The following ERC2 variants were observed in gnomAD, a reference collection of about 807,000 sequenced individuals.
ERC2 encodes the protein ERC protein 2.
Under a neutral mutation model 114.8 loss-of-function variants are expected in ERC2, and 42 were observed. The observed-to-expected ratio is 0.37, with a 90% CI of 0.29 to 0.47. ERC2 has a LOEUF of 0.47. Among genes scored for constraint, ERC2 ranks in the 20% least tolerant of loss-of-function variants. ERC2 has a pLI of 0.99. For missense variants in ERC2, 939 were observed against 1,150.7 expected (o/e 0.82, Z 2.66); for synonymous variants, 454 against 425.5 (o/e 1.07, Z -0.82).
chr3:55,528,450 G>A (rs188987194), intron 17 of ERC2, among the ~76,000 whole-genome samples: 8 of 152,148 alleles, frequency 5.3e-5, no homozygotes, highest in South Asian at 2.1e-4. Flanking sequence ...AAATGTTATC[G>A]GCATCATCAT....
chr3:55,742,284 A>G (rs1263998814), intron 14 of ERC2, among the ~76,000 whole-genome samples: 2 of 152,120 alleles, frequency 1.3e-5, no homozygotes, highest in Non-Finnish European at 2.9e-5. Flanking sequence ...AGCTTTGTAA[A>G]CATTTCTACT....
intron 17 of ERC2, among the ~76,000 whole-genome samples, chr3:55,597,847 A>G (rs2058221267): frequency 6.6e-6 from 1 of 152,218 alleles, no homozygotes; most frequent in African/African-American, 2.4e-5. Flanking sequence ...ATCACATTAC[A>G]TCAGGATTAC....
rs572113482 is a variant in ERC2, at chr3:55,509,104, T to A, written c.*2212A>T. On this transcript the variant is annotated 3_prime_UTR_variant, in exon 18 of 18. Coordinates refer to ENST00000288221, the MANE Select transcript of ERC2 (RefSeq NM_015576.3). ...GAATTTAATTTTTAAGGGACTAAAT[T>A]ATACGACCTCATAAAGGTAAGATCA... The A allele has an allele frequency of 2.0e-5, 3 of 152,754 alleles. No homozygotes were observed. Among genetic ancestry groups the A allele is most frequent in the Admixed American group, 6.5e-5 (1 of 15,304 alleles). The allele number at this position is 152,754 out of a possible 1,614,324, so 9.5% of individuals were successfully genotyped here.
Position 56,010,486 on chromosome 3 carries a change from TTC to T in ERC2, c.1881_1882del (p.Lys628GlyfsTer7). 3 of 1,613,654 alleles carry T rather than the reference TTC, an allele frequency of 1.9e-6. No individual in the cohort carries two copies. The highest frequency in any genetic ancestry group is 2.5e-6 in the Non-Finnish European group (3 of 1,179,696). ...CAGTTCAGCCTGTAAAGCATTGACC[TTC>T]TCTTTCAGGTCTTTGTTCTCTTTTC... On this transcript the variant is annotated frameshift_variant, in exon 9 of 18. Transcript: ENST00000288221. LOFTEE classifies it high-confidence loss of function.
chr3:56,091,324 C>G (rs2077776705), intron 6 of ERC2, among the ~76,000 whole-genome samples: 1 of 152,036 alleles, frequency 6.6e-6, no homozygotes, highest in South Asian at 2.1e-4. Flanking sequence ...TCAAAGAAGA[C>G]TCCTGGGTTG....
intron 6 of ERC2, among the ~76,000 whole-genome samples, chr3:56,120,612 G>A (rs1402117188): frequency 6.6e-6 from 1 of 152,150 alleles, no homozygotes; most frequent in Non-Finnish European, 1.5e-5. Context: ...ACTCTATAAA[G>A]CAGCTCCTGA....
intron 7 of ERC2, among the ~76,000 whole-genome samples, chr3:56,039,579 T>C (rs373998661): frequency 2.0e-5 from 3 of 152,278 alleles, no homozygotes; most frequent in African/African-American, 7.2e-5. Flanking sequence ...ACCCAAAGCA[T>C]TCTACAGATG....
At chr3:55,882,144 T>G (rs1212831364) in intron 14 of ERC2, among the ~76,000 whole-genome samples, 1 of 152,162 alleles carries the variant, frequency 6.6e-6, no homozygotes, top group Non-Finnish European at 1.5e-5. Flanking sequence ...TGGGGGTGAG[T>G]GAGTTCTCAC....
chr3:56,035,782 T>G (rs1036157262), intron 7 of ERC2, among the ~76,000 whole-genome samples: 6 of 152,206 alleles, frequency 3.9e-5, no homozygotes, highest in Admixed American at 3.9e-4. Context: ...AAATTTCTGT[T>G]CTTTACAAAC....
chr3:55,683,872 C>G lies in ERC2; in HGVS notation c.2848-13G>C. Reference sequence around the variant, plus strand: ...CCTCCTCGTCATCCTGCGGCCGGCCCGAGGTGGGGAGGTGCACAGAGAGGA... The same window carrying G: ...CCTCCTCGTCATCCTGCGGCCGGCCGGAGGTGGGGAGGTGCACAGAGAGGA... On this transcript the variant is annotated splice_polypyrimidine_tract_variant and intron_variant, in intron 16 of 17. Transcript: ENST00000288221. 6.2e-7 allele frequency: 1 copy of G among 1,610,944 alleles called. No individual in the cohort carries two copies. Among genetic ancestry groups the G allele is most frequent in the South Asian group, 1.1e-5 (1 of 90,638 alleles).
At chr3:55,958,302 A>G (rs1460804699) in intron 12 of ERC2, among the ~76,000 whole-genome samples, 3 of 152,188 alleles carry the variant, frequency 2.0e-5, no homozygotes, top group African/African-American at 7.2e-5. Context: ...GGTAGTCCCA[A>G]CATCTGTGTG....
At chr3:56,266,256 G>A (rs66697960) in intron 3 of ERC2, among the ~76,000 whole-genome samples, 66,907 of 148,070 alleles carry the variant, frequency 0.45, 15,305 homozygotes, top group Middle Eastern at 0.5. Flanking sequence ...TCAGCCTACC[G>A]AGTAGCTGGG....
At chr3:55,597,951 A>G (rs1310318114) in intron 17 of ERC2, among the ~76,000 whole-genome samples, 2 of 152,178 alleles carry the variant, frequency 1.3e-5, no homozygotes, top group Non-Finnish European at 2.9e-5. Context: ...GTCCTTCCCC[A>G]TGCACCAAAA....
chr3:55,553,604 C>G (rs1480506884), intron 17 of ERC2, among the ~76,000 whole-genome samples: 1 of 151,940 alleles, frequency 6.6e-6, no homozygotes, highest in African/African-American at 2.4e-5. Flanking sequence ...CATGGTGAAA[C>G]CCTGTCTCTA....
chr3:55,866,471 A>G (rs1400429088), intron 14 of ERC2, among the ~76,000 whole-genome samples: 2 of 152,156 alleles, frequency 1.3e-5, no homozygotes, highest in Non-Finnish European at 2.9e-5. Context: ...AATTTTGATG[A>G]AGTCCAATTT....
intron 3 of ERC2, among the ~76,000 whole-genome samples, chr3:56,227,550 C>T (rs1168839925): frequency 6.6e-6 from 1 of 152,066 alleles, no homozygotes; most frequent in Non-Finnish European, 1.5e-5. Flanking sequence ...CAGAAGCCCC[C>T]CTGACTCCGC....
chr3:56,136,409 T>C (rs893809062), intron 6 of ERC2, among the ~76,000 whole-genome samples: 2 of 152,032 alleles, frequency 1.3e-5, no homozygotes, highest in Admixed American at 1.3e-4. Context: ...CCTTTGAGGA[T>C]GAGCACCATA....
chr3:56,180,615 G>A lies in ERC2; in HGVS notation c.1075-7095C>T, dbSNP rs574533514. Among the ~76,000 whole-genome samples the A allele has an allele frequency of 5.9e-5, 9 of 152,214 alleles. No homozygotes were observed. The East Asian group carries it at 1.2e-3, about 20-fold the overall frequency. ...GGTATCTAGAGTAGACAAACTTATC[G>A]AAATAGAAAGTGAAATGGTGCTTGC... is the stretch of plus-strand genomic sequence containing the variant. On this transcript the variant is annotated intron_variant, in intron 3 of 17. Transcript: ENST00000288221.
At chr3:56,405,862 G>A (rs1239181623) in intron 2 of ERC2, among the ~76,000 whole-genome samples, 10 of 151,104 alleles carry the variant, frequency 6.6e-5, no homozygotes, top group Non-Finnish European at 1.3e-4. Flanking sequence ...AGAGGAACTG[G>A]GTCAAAGGAT....
Sources: allele counts gnomAD v4.1 joint callset (sites outside exome capture counted in the v4.1 genomes callset), GRCh38; gene constraint gnomAD v4.1.1; transcripts MANE v1.5; gene names NCBI Gene and HGNC (gene_info 2026-07-23, HGNC 2026-07-21).